Variants in RBFOX2 observed in about 807,000 individuals in gnomAD.
RBFOX2 encodes RNA binding fox-1 homolog 2.
RBFOX2 carries 10 observed loss-of-function variants against 49.1 expected under a neutral mutation model. The ratio of observed to expected loss-of-function variants is 0.20; its 90% CI spans 0.13 to 0.35. The LOEUF (loss-of-function observed/expected upper bound fraction) is 0.35, where lower values mean the gene tolerates loss of function less well. Among genes scored for constraint, RBFOX2 ranks in the 10% least tolerant of loss-of-function variants. The probability of loss-of-function intolerance (pLI) is 1.00; values close to 1 mark genes in which losing one functional copy is unlikely to be tolerated. For synonymous variants in RBFOX2, 183 were observed against 187.4 expected (o/e 0.98, Z 0.19); for missense variants, 323 against 486.9 (o/e 0.66, Z 3.17).
intron 1 of RBFOX2, among the ~76,000 whole-genome samples, chr22:35,815,124 G>A (rs1371654920): frequency 6.6e-6 from 1 of 152,070 alleles, no homozygotes; most frequent in African/African-American, 2.4e-5. Flanking sequence ...GTTTTTTCTA[G>A]GTCCAACCAT....
chr22:35,912,513 T>A (rs1425897820), intron 1 of RBFOX2, among the ~76,000 whole-genome samples: 1 of 152,096 alleles, frequency 6.6e-6, no homozygotes, highest in Non-Finnish European at 1.5e-5. Context: ...TCCCCTAAGC[T>A]CTCCAGTACC....
At chr22:35,802,661 C>A (rs1430004720) in intron 2 of RBFOX2, among the ~76,000 whole-genome samples, 1 of 152,110 alleles carries the variant, frequency 6.6e-6, no homozygotes, top group Non-Finnish European at 1.5e-5. Flanking sequence ...TAAAAGGGGC[C>A]AACCTGGTGG....
intron 2 of RBFOX2, among the ~76,000 whole-genome samples, chr22:35,783,448 A>G (rs906219094): frequency 3.3e-5 from 5 of 152,222 alleles, no homozygotes; most frequent in African/African-American, 4.8e-5. Flanking sequence ...CTGCTGCAGA[A>G]AAAGCACACG....
At chr22:36,018,960 G>C (rs1022350532) in intron 1 of RBFOX2, among the ~76,000 whole-genome samples, 1 of 152,114 alleles carries the variant, frequency 6.6e-6, no homozygotes, top group Non-Finnish European at 1.5e-5. Flanking sequence ...TCTGGAGAGC[G>C]GGTTTGAAGA....
chr22:35,795,628 CAAA>C (rs139555281), intron 2 of RBFOX2, among the ~76,000 whole-genome samples: 1 of 33,572 alleles, frequency 3.0e-5, no homozygotes, highest in Non-Finnish European at 5.5e-5. Flanking sequence ...TGTAGAAAAG[CAAA>C]AAAAAAAAAA....
intron 1 of RBFOX2, among the ~76,000 whole-genome samples, chr22:36,023,440 A>G (rs941122824): frequency 6.6e-6 from 1 of 152,222 alleles, no homozygotes; most frequent in Non-Finnish European, 1.5e-5. Flanking sequence ...GCTGAAAGCT[A>G]TAAGTAATAA....
chr22:35,879,805 A>C (rs2045639734), intron 1 of RBFOX2, among the ~76,000 whole-genome samples: 1 of 152,228 alleles, frequency 6.6e-6, no homozygotes. Context: ...ACCAGGTAGC[A>C]GACTATTACA....
chr22:35,955,094 C>A (rs924742854), intron 1 of RBFOX2, among the ~76,000 whole-genome samples: 3 of 152,232 alleles, frequency 2.0e-5, no homozygotes, highest in Non-Finnish European at 4.4e-5. Context: ...CTCTAGCCCA[C>A]GCTCTTTCAA....
chr22:35,897,996 G>C (rs1451186427), intron 1 of RBFOX2: 5 of 737,456 alleles, frequency 6.8e-6, no homozygotes, highest in Non-Finnish European at 9.9e-6. Context: ...CAAAGTTTTT[G>C]GTTTCCCAGT....
chr22:36,014,122 C>CTTT (rs1338157670), intron 1 of RBFOX2, among the ~76,000 whole-genome samples: 2 of 137,802 alleles, frequency 1.5e-5, no homozygotes, highest in Non-Finnish European at 1.6e-5. Context: ...ATTATCATTT[C>CTTT]TTTTTTTTTT....
At chr22:35,928,162 TA>T (rs978212581) in intron 1 of RBFOX2, among the ~76,000 whole-genome samples, 2 of 152,090 alleles carry the variant, frequency 1.3e-5, no homozygotes, top group African/African-American at 4.8e-5. Flanking sequence ...AAAACTTGCC[TA>T]AAGTCATTTA....
intron 1 of RBFOX2, among the ~76,000 whole-genome samples, chr22:35,888,022 T>C (rs2046802965): frequency 6.6e-6 from 1 of 152,148 alleles, no homozygotes; most frequent in South Asian, 2.1e-4. Flanking sequence ...CCAGTTTAGA[T>C]CCTATGGCCT....
chr22:35,840,641 T>TGTGC (rs1186626829), upstream of RBFOX2: 3 of 1,047,334 alleles, frequency 2.9e-6, no homozygotes, highest in Admixed American at 9.7e-5. Flanking sequence ...CGTGTGTGTG[T>TGTGC]GTGTGTGTGT....
At chr22:35,867,172 T>G (rs1478932111) in intron 1 of RBFOX2, among the ~76,000 whole-genome samples, 1 of 152,148 alleles carries the variant, frequency 6.6e-6, no homozygotes, top group Non-Finnish European at 1.5e-5. Context: ...AAAAGAACCT[T>G]TTAAGGTTAA....
At chr22:35,964,637 AG>A (rs1399543540), upstream of RBFOX2, among the ~76,000 whole-genome samples, 4 of 152,212 alleles carry the variant, frequency 2.6e-5, no homozygotes, top group Non-Finnish European at 5.9e-5. Context: ...TAATGCAGTC[AG>A]GATCTATACA....
intron 1 of RBFOX2, among the ~76,000 whole-genome samples, chr22:35,907,722 A>AAGGAATT (rs2049287176): frequency 6.6e-6 from 1 of 151,930 alleles, no homozygotes; most frequent in Admixed American, 6.6e-5. Flanking sequence ...ACTCCAGCTC[A>AAGGAATT]CTGCAACCTT....
intron 1 of RBFOX2, among the ~76,000 whole-genome samples, chr22:35,960,233 G>A (rs908666083): frequency 6.6e-6 from 1 of 152,122 alleles, no homozygotes; most frequent in Non-Finnish European, 1.5e-5. Flanking sequence ...AAATGTCTAA[G>A]AGCTTTATAT....
At position 35,756,091 on chromosome 22, in the gene RBFOX2, G is replaced by C. The variant is rs750103346; in HGVS notation, c.887+3797C>G. On this transcript the variant is annotated intron_variant, in intron 9 of 11. Transcript: ENST00000405409. Reference sequence around the variant, plus strand: ...AGGGGATGGGGTCGAGAAGGCCCCAGTGTGTGTACTTACATAGAGGTCAGC... The same window carrying C: ...AGGGGATGGGGTCGAGAAGGCCCCACTGTGTGTACTTACATAGAGGTCAGC... 29 of 1,426,166 alleles carry C rather than the reference G, an allele frequency of 2.0e-5. No homozygotes were observed. In the East Asian group the frequency reaches 8.2e-4, roughly 41 times the overall value. 88.3% of individuals were successfully genotyped at this position (1,426,166 alleles called of 1,614,324 possible).
At chr22:35,960,739 C>G (rs2056105843) in intron 1 of RBFOX2, among the ~76,000 whole-genome samples, 1 of 152,046 alleles carries the variant, frequency 6.6e-6, no homozygotes, top group Non-Finnish European at 1.5e-5. Context: ...TCACGAAGAG[C>G]CAATTCGAAG....
Sources: gnomAD v4.1 joint callset for allele counts (sites outside exome capture counted in the v4.1 genomes callset) on GRCh38, gnomAD v4.1.1 for gene constraint, MANE v1.5 for transcripts, NCBI Gene and HGNC (gene_info 2026-07-23, HGNC 2026-07-21) for gene names.